Variants in COPB2 observed in about 807,000 individuals in gnomAD.
COPB2 encodes the protein coatomer subunit beta'.
In COPB2, 16 loss-of-function variants were observed where a neutral mutation model predicts 120.8. The ratio of observed to expected loss-of-function variants is 0.13; its 90% CI spans 0.09 to 0.20. The LOEUF (loss-of-function observed/expected upper bound fraction) is 0.20, where lower values mean the gene tolerates loss of function less well. Among genes scored for constraint, COPB2 ranks in the 10% least tolerant of loss-of-function variants. The probability of loss-of-function intolerance (pLI) is 1.00; values close to 1 mark genes in which losing one functional copy is unlikely to be tolerated. For synonymous variants in COPB2, 332 were observed against 366.3 expected, an observed-to-expected ratio of 0.91 and a Z score of 1.07; for missense variants, 794 against 1,076.5, an observed-to-expected ratio of 0.74 and a Z score of 3.67.
intron 5 of COPB2, among the ~76,000 whole-genome samples, chr3:139,376,139 C>T (rs1449268953): frequency 6.6e-6 from 1 of 152,182 alleles, no homozygotes; most frequent in Non-Finnish European, 1.5e-5. Flanking sequence ...CGCATGTAGT[C>T]CTAACAACTC....
Position 139,366,669 on chromosome 3 carries a change from G to A in COPB2, c.1783C>T (p.Gln595Ter). Residue 595 changes from glutamine to a stop codon, truncating the protein, a stop_gained, in exon 15 of 22, where the codon CAG becomes TAG. Transcript: ENST00000333188. LOFTEE classifies it high-confidence loss of function. ...YSLLVSVLEYQTAVMRRDFSM... is the reference protein window; with the variant it reads ...YSLLVSVLEY Reference sequence around the variant, plus strand: ...AAGTCCCTCCGCATGACAGCTGTCTGGTATTCCAGGACTGAAACCAGCAGG... The same window carrying A: ...AAGTCCCTCCGCATGACAGCTGTCTAGTATTCCAGGACTGAAACCAGCAGG... The A allele has an allele frequency of 6.2e-7, 1 of 1,614,050 alleles. No individual in the cohort carries two copies. Among genetic ancestry groups the A allele is most frequent in the South Asian group, 1.1e-5 (1 of 91,082 alleles).
At position 139,361,101 on chromosome 3, in the gene COPB2, C is replaced by A. The variant is rs1941410849; in HGVS notation, c.2190G>T (p.Met730Ile). Reference protein sequence around the residue: ...ERDGKNNVAFMSYFLQGKVDA... With the variant: ...ERDGKNNVAFISYFLQGKVDA... ...CTCACTTGCCCTGTAAAAAGTAGCTCATGAATGCCACATTATTTTTGCCAT... is the reference window on the plus strand; with the variant it reads ...CTCACTTGCCCTGTAAAAAGTAGCTAATGAATGCCACATTATTTTTGCCAT... Residue 730 changes from methionine to isoleucine, a missense_variant, in exon 17 of 22, where the codon ATG (methionine) becomes ATT (isoleucine). By Grantham distance (10) the Met-to-Ile change is conservative. Transcript: ENST00000333188. 6.2e-7 allele frequency: 1 copy of A among 1,614,086 alleles called. No individual in the cohort carries two copies. Among genetic ancestry groups the A allele is most frequent in the African/African-American group, 1.3e-5 (1 of 74,932 alleles).
At chr3:139,371,586 C>T (rs1941623839) in intron 10 of COPB2, 137 bp downstream of exon 10, 5 of 652,126 alleles carry the variant, frequency 7.7e-6, no homozygotes, top group Middle Eastern at 5.8e-4. Context: ...TGACTCTCAT[C>T]TTCCAATGGA....
In COPB2 at chr3:139,368,200, G is replaced by A; in HGVS notation, c.1490C>T (p.Ala497Val). The change falls in exon 13 of 22, where the codon GCT (alanine) becomes GTT (valine). Residue 497 changes from alanine (A) to valine (V), a missense_variant. Ala to Val is a moderately conservative substitution (Grantham distance 64). Around this residue, in one of 3 missense-constraint regions of COPB2, gnomAD observed 610 missense variants for 866.7 expected, o/e 0.70. Coordinates refer to ENST00000333188, the MANE Select transcript of COPB2 (RefSeq NM_004766.3). ...ILKYLSEKVL[A>V]AQETHEGVTE... ...AACTCCCTCATGTGTTTCCTGTGCA[G>A]CCAAGACTTTTTCTGACAGATACTT... 1.2e-6 allele frequency: 2 copies of A among 1,613,878 alleles called. No homozygotes were observed. The highest frequency in any genetic ancestry group is 1.7e-6 in the Non-Finnish European group (2 of 1,179,880).
chr3:139,362,588 A>G, intron 15 of COPB2, 71 bp from the exon 16 acceptor site: 1 of 899,830 alleles, frequency 1.1e-6, no homozygotes, highest in Non-Finnish European at 1.6e-6. Context: ...ATATATATAT[A>G]TACACACACA....
chr3:139,358,642 C>T, intron 20 of COPB2, 102 bp downstream of exon 20: 3 of 819,440 alleles, frequency 3.7e-6, no homozygotes, highest in South Asian at 2.9e-5. Context: ...GATCGCGCCA[C>T]TGCACTCCAG....
intron 1 of COPB2, among the ~76,000 whole-genome samples, chr3:139,389,311 G>A (rs1942003704): frequency 6.6e-6 from 1 of 152,222 alleles, no homozygotes; most frequent in Non-Finnish European, 1.5e-5. Flanking sequence ...AGCGCCACAA[G>A]CGCCAGGGGA....
intron 2 of COPB2, chr3:139,381,097 AATTTT>A (rs1410308527): frequency 6.6e-6 from 1 of 152,174 alleles, no homozygotes; most frequent in Non-Finnish European, 1.5e-5. Context: ...AATTTTATCT[AATTTT>A]ATTTTATCTT....
intron 2 of COPB2, chr3:139,382,463 T>C (rs957623006): frequency 2.6e-5 from 4 of 152,508 alleles, no homozygotes; most frequent in Non-Finnish European, 5.9e-5. Flanking sequence ...GGTAGTTCTT[T>C]ACAGCAGTGT....
chr3:139,359,646 C>T (rs1472120832), intron 17 of COPB2, among the ~76,000 whole-genome samples: 2 of 152,054 alleles, frequency 1.3e-5, no homozygotes, highest in African/African-American at 4.8e-5. Flanking sequence ...GTTAGATTAG[C>T]AAATTTTAAA....
chr3:139,373,959 T>C (rs974324487), intron 7 of COPB2, 151 bp from the exon 8 acceptor site: 1 of 803,194 alleles, frequency 1.2e-6, no homozygotes, highest in African/African-American at 1.7e-5. Flanking sequence ...TGTCTTTAAA[T>C]GATTTTTAAA....
rs773210109 is a variant in COPB2, at chr3:139,359,325, G to A, written c.2248C>T (p.Arg750Trp). ...ACLELLIRTG[R>W]LPEAAFLART... ...GCCAAGAAGGCAGCTTCTGGCAGCC[G>A]TCCAGTTCTAATTAAGAGCTCTAGG... Residue 750 changes from arginine (R) to tryptophan (W), a missense_variant, in exon 18 of 22, where the codon CGG becomes TGG. Physicochemically the swap from Arg to Trp is moderately radical, Grantham distance 101 (BLOSUM62 -3). Around this residue, in one of 3 missense-constraint regions of COPB2, gnomAD observed 178 missense variants for 183.2 expected, o/e 0.97. Coordinates refer to ENST00000333188, the MANE Select transcript of COPB2 (RefSeq NM_004766.3). 10 of 1,614,150 alleles carry A rather than the reference G, an allele frequency of 6.2e-6. No individual in the cohort carries two copies. The highest frequency in any genetic ancestry group is 7.6e-6 in the Non-Finnish European group (9 of 1,180,012).
intron 17 of COPB2, among the ~76,000 whole-genome samples, chr3:139,359,910 C>G (rs1234573285): frequency 6.6e-6 from 1 of 151,944 alleles, no homozygotes; most frequent in Non-Finnish European, 1.5e-5. Context: ...CTTACATCCT[C>G]AGCATGAAAA....
intron 1 of COPB2, among the ~76,000 whole-genome samples, chr3:139,388,845 T>C (rs2107813815): frequency 6.6e-6 from 1 of 151,736 alleles, no homozygotes; most frequent in East Asian, 1.9e-4. Context: ...ATTCTTATAC[T>C]ATCGTTTTCT....
chr3:139,389,647 G>A lies in COPB2; in HGVS notation c.-97C>T. ...TCCACTGACCGTCAGACTGACTGACGTGGAACTTCCGGGAGCCGATTCTCG... is the reference window on the plus strand; with the variant it reads ...TCCACTGACCGTCAGACTGACTGACATGGAACTTCCGGGAGCCGATTCTCG... On this transcript the variant is annotated 5_prime_UTR_variant, in exon 1 of 22. Transcript: ENST00000333188. The A allele has an allele frequency of 7.6e-7, 1 of 1,311,040 alleles. No homozygotes were observed. The highest frequency in any genetic ancestry group is 1.0e-6 in the Non-Finnish European group (1 of 957,036). The allele number at this position is 1,311,040 out of a possible 1,614,324, so 81.2% of individuals were successfully genotyped here. A position where few individuals can be genotyped will look rare whatever the true frequency, so the allele number is the denominator to read the frequency against.
chr3:139,363,455 T>C (rs968335485), intron 15 of COPB2, among the ~76,000 whole-genome samples: 2 of 152,226 alleles, frequency 1.3e-5, no homozygotes, highest in African/African-American at 2.4e-5. Flanking sequence ...AGTTTCATCC[T>C]GAAATGTACC....
intron 5 of COPB2, among the ~76,000 whole-genome samples, chr3:139,377,101 G>A (rs1334119146): frequency 3.9e-5 from 6 of 152,154 alleles, no homozygotes; most frequent in Non-Finnish European, 8.8e-5. Flanking sequence ...TGCCCTCACT[G>A]CAACATGTAT....
At position 139,373,224 on chromosome 3, in the gene COPB2, A is replaced by G; in HGVS notation, c.1083T>C (p.Asn361=). ...TGGTGATGGCTTACCGCCCATTAGG[A>G]TTGTGCTGAATAGTCTGAGGGTATA... ...CEIYPQTIQH[N]PNGRFVVVCG... is the part of the protein sequence containing the mutation. The change falls in exon 9 of 22, where the codon AAT becomes AAC. Residue 361 remains asparagine, a synonymous_variant. Transcript: ENST00000333188. 6.2e-7 allele frequency: 1 copy of G among 1,613,972 alleles called. No individual in the cohort carries two copies. The highest frequency in any genetic ancestry group is 8.5e-7 in the Non-Finnish European group (1 of 1,179,890).
intron 7 of COPB2, chr3:139,374,210 C>G (rs962873351): frequency 8.9e-6 from 4 of 449,728 alleles, no homozygotes; most frequent in African/African-American, 7.9e-5. Flanking sequence ...TTGTTTGACT[C>G]CAAAGCACAT....
Sources: allele counts gnomAD v4.1 joint callset (sites outside exome capture counted in the v4.1 genomes callset), GRCh38; gene constraint gnomAD v4.1.1; regional missense constraint gnomAD v4.1.1; transcripts MANE v1.5; gene names NCBI Gene and HGNC (gene_info 2026-07-23, HGNC 2026-07-21).